Variants in SIGLEC1 observed in about 807,000 individuals in gnomAD.
The protein encoded by SIGLEC1 is sialoadhesin.
SIGLEC1 carries 132 observed loss-of-function variants against 148.0 expected under a neutral mutation model. The observed-to-expected ratio is 0.89, with a 90% confidence interval of 0.77 to 1.03. The LOEUF (loss-of-function observed/expected upper bound fraction) is 1.03, where lower values mean the gene tolerates loss of function less well. Ranked by LOEUF, SIGLEC1 falls within the 50% of genes least tolerant of loss-of-function variation. SIGLEC1 has a pLI of 0.00. For synonymous variants in SIGLEC1, 945 were observed against 969.0 expected (o/e 0.98, Z 0.46); for missense variants, 2,253 against 2,271.4 (o/e 0.99, Z 0.16).
intron 1 of SIGLEC1, among the ~76,000 whole-genome samples, chr20:3,711,859 A>G (rs1332867645): frequency 6.6e-6 from 1 of 152,126 alleles, no homozygotes; most frequent in African/African-American, 2.4e-5. Context: ...GTGGTGATGG[A>G]TGAAGTGGAA....
intron 19 of SIGLEC1, 110 bp from the exon 20 acceptor site, chr20:3,689,812 G>A: frequency 8.3e-7 from 1 of 1,202,272 alleles, no homozygotes; most frequent in Non-Finnish European, 1.2e-6. Context: ...TATCGCTGAA[G>A]CTCTCCACAC....
Position 3,691,993 on chromosome 20 carries a change from G to A in SIGLEC1, c.4240C>T (p.Gln1414Ter). Residue 1414 changes from glutamine to a stop codon, truncating the protein, a stop_gained, in exon 17 of 22, where the codon CAA becomes TAA. Coordinates refer to ENST00000344754, the MANE Select transcript of SIGLEC1 (RefSeq NM_023068.4). LOFTEE classifies it high-confidence loss of function. Reference sequence around the variant, plus strand: ...GTGTCATCACCTGCAGGCACATCTTGCACCTGCAGCCGTAGGGCGTTTCGG... The same window carrying A: ...GTGTCATCACCTGCAGGCACATCTTACACCTGCAGCCGTAGGGCGTTTCGG... ...VARNALRLQV[Q>*]DVPAGDDTYV... The A allele has an allele frequency of 6.2e-7, 1 of 1,613,348 alleles. No individual in the cohort carries two copies. Among genetic ancestry groups the A allele is most frequent in the African/African-American group, 1.3e-5 (1 of 75,062 alleles).
Position 3,692,654 on chromosome 20 carries a change from A to G in SIGLEC1, c.3897T>C (p.Arg1299=), listed in dbSNP as rs775141490. Residue 1299 remains arginine, a synonymous_variant, in exon 16 of 22, where the codon CGT becomes CGC. Transcript: ENST00000344754. ...AGGCAGCTGGACCCTCCTGCAGCCA[A>G]CGACCGTTGTGGTACCAAGTATAGA... The part of the protein sequence containing the change: ...PTLYTWYHNG[R]WLQEGPAASL... The G allele has an allele frequency of 1.9e-6, 3 of 1,613,138 alleles. No homozygotes were observed. Among genetic ancestry groups the G allele is most frequent in the Non-Finnish European group, 2.5e-6 (3 of 1,180,026 alleles).
Position 3,706,426 on chromosome 20 carries a change from A to C in SIGLEC1, c.330T>G (p.Ser110=). ...TCTCGAAGCGGAAGTTGTAGGAACCAGAGTCCTCGGGCTGCAGGTCCTTCA... is the reference window on the plus strand; with the variant it reads ...TCTCGAAGCGGAAGTTGTAGGAACCCGAGTCCTCGGGCTGCAGGTCCTTCA... The part of the protein sequence containing the change: ...LLLKDLQPED[S]GSYNFRFEIS... Residue 110 remains serine (S), a synonymous_variant, in exon 3 of 22, where the codon TCT becomes TCG. Transcript: ENST00000344754. 6.2e-7 allele frequency: 1 copy of C among 1,614,152 alleles called. No individual in the cohort carries two copies. The highest frequency in any genetic ancestry group is 8.5e-7 in the Non-Finnish European group (1 of 1,180,024).
At position 3,705,763 on chromosome 20, in the gene SIGLEC1, C is replaced by T; in HGVS notation, c.687G>A (p.Glu229=). 1 of 1,609,582 alleles carries T rather than the reference C, an allele frequency of 6.2e-7. No homozygotes were observed. Among genetic ancestry groups the T allele is most frequent in the Admixed American group, 1.7e-5 (1 of 59,918 alleles). The change falls in exon 4 of 22, where the codon GAG becomes GAA. Residue 229 remains glutamate (E), a synonymous_variant. Transcript: ENST00000344754. ...LSVANHRAQS[E]IHLQVKYAPK... ...ACTCACACTTCACTTGGAGGTGAAT[C>T]TCGCTCTGAGCCCTGTGATTGGCCA...
At position 3,703,285 on chromosome 20, in the gene SIGLEC1, G is replaced by A. The variant is rs780394345; in HGVS notation, c.1140C>T (p.Ala380=). The A allele has an allele frequency of 5.6e-6, 9 of 1,614,172 alleles. No homozygotes were observed. The highest frequency in any genetic ancestry group is 5.1e-6 in the Non-Finnish European group (6 of 1,180,024). Residue 380 remains alanine, a synonymous_variant, in exon 6 of 22, where the codon GCC becomes GCT. Coordinates refer to ENST00000344754, the MANE Select transcript of SIGLEC1 (RefSeq NM_023068.4). The part of the protein sequence containing the change: ...AHSHTLRLHL[A]TRADTGFYFC... ...AGTAGAAGCCAGTATCAGCCCTAGT[G>A]GCCAAGTGCAGCCGGAGGGTATGGG...
At position 3,689,446 on chromosome 20, in the gene SIGLEC1, TC is replaced by T. The variant is rs907789317; in HGVS notation, c.4997+153del. On this transcript the variant is annotated intron_variant, in intron 20 of 21. Coordinates refer to ENST00000344754, the MANE Select transcript of SIGLEC1 (RefSeq NM_023068.4). ...ACAGCAAGGAGGATTTAGGGACAAT[TC>T]TAGAAGGGATTTCCAATTTGGAGGG... 9 of 659,514 alleles carry T rather than the reference TC, an allele frequency of 1.4e-5. No homozygotes were observed. The African/African-American group carries it at 1.6e-4, about 12-fold the overall frequency. The allele number at this position is 659,514 out of a possible 1,614,324, so 40.9% of individuals were successfully genotyped here.
At position 3,696,609 on chromosome 20, in the gene SIGLEC1, G is replaced by A. The variant is rs1433519510; in HGVS notation, c.2660C>T (p.Thr887Ile). The change falls in exon 11 of 22, where the codon ACC (threonine) becomes ATC (isoleucine). Residue 887 changes from threonine (T) to isoleucine (I), a missense_variant. Physicochemically the swap from Thr to Ile is moderately conservative, Grantham distance 89. Coordinates refer to ENST00000344754, the MANE Select transcript of SIGLEC1 (RefSeq NM_023068.4). ...ACCTCGGACCTGGAAGAAGAGTGAG[G>A]TGTTGGATGATCCAAGAACATTTGT... Reference protein sequence around the residue: ...EATNVLGSSNTSLFFQVRGAW... With the variant: ...EATNVLGSSNISLFFQVRGAW... The A allele has an allele frequency of 1.9e-6, 3 of 1,612,212 alleles. No individual in the cohort carries two copies. The African/African-American group carries it at 4.0e-5, about 22-fold the overall frequency.
At chr20:3,701,690 C>T (rs1445966251) in intron 6 of SIGLEC1, 49 bp from the exon 7 acceptor site, 1 of 1,478,530 alleles carries the variant, frequency 6.8e-7, no homozygotes, top group Non-Finnish European at 9.1e-7. Flanking sequence ...AAGGGCATTC[C>T]CTGGATACCC....
chr20:3,692,879 A>G lies in SIGLEC1; in HGVS notation c.3761T>C (p.Leu1254Pro). The G allele has an allele frequency of 6.2e-7, 1 of 1,610,368 alleles. No individual in the cohort carries two copies. Among genetic ancestry groups the G allele is most frequent in the South Asian group, 1.1e-5 (1 of 90,954 alleles). ...RSPLGQANTS[L>P]ELRLEGVRVI... ...TGCCTTACCCTCCAGCCGCAGCTCC[A>G]GGGACGTGTTGGCCTGGCCCAGAGG... The change falls in exon 15 of 22, where the codon CTG (leucine) becomes CCG (proline). Residue 1254 changes from leucine (L) to proline (P), a missense_variant. Physicochemically the swap from Leu to Pro is moderately conservative, Grantham distance 98. Coordinates refer to ENST00000344754, the MANE Select transcript of SIGLEC1 (RefSeq NM_023068.4).
intron 1 of SIGLEC1, among the ~76,000 whole-genome samples, chr20:3,709,178 T>C (rs1008564869): frequency 1.7e-4 from 26 of 150,392 alleles, no homozygotes; most frequent in African/African-American, 6.1e-4. Flanking sequence ...ATATCCAGAA[T>C]ATATAAAGAA....
intron 20 of SIGLEC1, 159 bp downstream of exon 20, chr20:3,689,441 A>G (rs531724507): frequency 1.8e-5 from 12 of 655,994 alleles, no homozygotes; most frequent in African/African-American, 1.8e-4. Context: ...GGATTTAGGG[A>G]CAATTCTAGA....
At position 3,689,227 on chromosome 20, in the gene SIGLEC1, T is replaced by C. The variant is rs150781048; in HGVS notation, c.4998A>G (p.Arg1666=). Residue 1666 remains arginine, a splice_region_variant and synonymous_variant, in exon 21 of 22, where the codon AGA becomes AGG. Coordinates refer to ENST00000344754, the MANE Select transcript of SIGLEC1 (RefSeq NM_023068.4). ...LLGLGACYTW[R]RRRVCKQSMG... The stretch of plus-strand genomic sequence containing the variant: ...TGCTCTGCTTACAAACACGCCTCCT[T>C]CTGCAAGGCCCGGAGTGGACTCAGA... 1.4e-5 allele frequency: 23 copies of C among 1,613,860 alleles called. No homozygotes were observed. The highest frequency in any genetic ancestry group is 1.9e-5 in the Non-Finnish European group (22 of 1,179,928).
rs1487971317 is a variant in SIGLEC1 at position 3,691,965 on chromosome 20, T to C, written c.4268A>G (p.Tyr1423Cys). Reference sequence around the variant, plus strand: ...CAGCAAGTTTTGGGCTGTGCAAACATAGGTGTCATCACCTGCAGGCACATC... The same window carrying C: ...CAGCAAGTTTTGGGCTGTGCAAACACAGGTGTCATCACCTGCAGGCACATC... ...VQDVPAGDDTYVCTAQNLLGS... is the reference protein window; with the variant it reads ...VQDVPAGDDTCVCTAQNLLGS... The change falls in exon 17 of 22, where the codon TAT (tyrosine) becomes TGT (cysteine). Residue 1423 changes from tyrosine to cysteine, a missense_variant. Physicochemically the swap from Tyr to Cys is radical, Grantham distance 194. Coordinates refer to ENST00000344754, the MANE Select transcript of SIGLEC1 (RefSeq NM_023068.4). 4 of 1,610,638 alleles carry C rather than the reference T, an allele frequency of 2.5e-6. No individual in the cohort carries two copies. The highest frequency in any genetic ancestry group is 3.4e-6 in the Non-Finnish European group (4 of 1,177,590).
chr20:3,696,141 A>ACACACACACACACACACACACAC (rs371507046), intron 11 of SIGLEC1, among the ~76,000 whole-genome samples: 1 of 145,096 alleles, frequency 6.9e-6, no homozygotes, highest in African/African-American at 2.5e-5. Flanking sequence ...CACACACACA[A>ACACACACACACACACACACACAC]ACACACACAC....
intron 18 of SIGLEC1, among the ~76,000 whole-genome samples, chr20:3,690,770 G>T (rs574601792): frequency 3.2e-4 from 49 of 151,990 alleles, no homozygotes; most frequent in Non-Finnish European, 6.5e-4. Context: ...AGGGCTTATC[G>T]TGTGCCAGAC....
At chr20:3,711,967 C>T (rs1200092487) in intron 1 of SIGLEC1, among the ~76,000 whole-genome samples, 1 of 151,586 alleles carries the variant, frequency 6.6e-6, no homozygotes. Flanking sequence ...CAAATTAAGG[C>T]TGGGATTGGG....
intron 11 of SIGLEC1, among the ~76,000 whole-genome samples, chr20:3,696,135 CACACAA>C (rs1193705902): frequency 4.4e-5 from 6 of 137,900 alleles, no homozygotes; most frequent in African/African-American, 9.7e-5. Flanking sequence ...TATATACACA[CACACAA>C]ACACACACAC....
chr20:3,694,571 G>A lies in SIGLEC1; in HGVS notation c.2945-39C>T, dbSNP rs373516204. Reference sequence around the variant, plus strand: ...GGAGTGGTCAGGACCCAGCCAGGGGGGTCCCTCATCCAGGGCTCTGTCATG... The same window carrying A: ...GGAGTGGTCAGGACCCAGCCAGGGGAGTCCCTCATCCAGGGCTCTGTCATG... On this transcript the variant is annotated intron_variant, in intron 12 of 21. Coordinates refer to ENST00000344754, the MANE Select transcript of SIGLEC1 (RefSeq NM_023068.4). The A allele has an allele frequency of 3.2e-6, 5 of 1,556,496 alleles. No homozygotes were observed. In the African/African-American group the frequency reaches 4.1e-5, roughly 13 times the overall value.
Sources: allele counts gnomAD v4.1 joint callset (sites outside exome capture counted in the v4.1 genomes callset), GRCh38; gene constraint gnomAD v4.1.1; transcripts MANE v1.5; gene names NCBI Gene and HGNC (gene_info 2026-07-23, HGNC 2026-07-21).